Variants in NTM observed in about 807,000 individuals in gnomAD.
The protein encoded by NTM is neurotrimin, also known as IgLON family member 2.
NTM carries 13 observed loss-of-function variants against 42.1 expected under a neutral mutation model. The observed-to-expected ratio is 0.31, with a 90% confidence interval of 0.20 to 0.49. The LOEUF is 0.49. Ranked by LOEUF, NTM falls within the 20% of genes least tolerant of loss-of-function variation. The pLI, the probability that NTM is intolerant of heterozygous loss-of-function variation, is 0.99. For synonymous variants in NTM, 187 were observed against 179.2 expected (o/e 1.04, Z -0.35); for missense variants, 373 against 452.8 (o/e 0.82, Z 1.60).
At chr11:131,774,075 G>T (rs2086576502) in intron 1 of NTM, 1 of 984,826 alleles carries the variant, frequency 1.0e-6, no homozygotes, top group Non-Finnish European at 1.2e-6. Context: ...TTCCAATGTT[G>T]TTCCAAAATT....
chr11:132,314,178 C>CCATCAT (rs3028804), intron 6 of NTM, among the ~76,000 whole-genome samples: 6 of 151,318 alleles, frequency 4.0e-5, no homozygotes, highest in African/African-American at 1.2e-4. Flanking sequence ...ATCACCATCA[C>CCATCAT]CATCATCATC....
chr11:132,031,048 C>G (rs2075851165), intron 2 of NTM, among the ~76,000 whole-genome samples: 1 of 152,166 alleles, frequency 6.6e-6, no homozygotes. Flanking sequence ...GCTAGCCACT[C>G]ATGCACATTG....
intron 1 of NTM, among the ~76,000 whole-genome samples, chr11:131,831,002 C>A (rs185696684): frequency 2.6e-5 from 4 of 152,212 alleles, no homozygotes; most frequent in Non-Finnish European, 4.4e-5. Context: ...AGAAATGCTA[C>A]TGATTTTTGT....
intron 4 of NTM, among the ~76,000 whole-genome samples, chr11:132,222,729 G>T (rs528736146): frequency 3.9e-5 from 6 of 152,018 alleles, no homozygotes; most frequent in Non-Finnish European, 8.8e-5. Context: ...ACCCAACAGT[G>T]GTGGGTTCTT....
chr11:131,731,922 C>G (rs1162467602), intron 1 of NTM, among the ~76,000 whole-genome samples: 1 of 152,178 alleles, frequency 6.6e-6, no homozygotes, highest in Non-Finnish European at 1.5e-5. Flanking sequence ...AAGCCTCTAT[C>G]TGTACACGCT....
chr11:131,950,387 C>A (rs2060843455), intron 2 of NTM, among the ~76,000 whole-genome samples: 1 of 152,186 alleles, frequency 6.6e-6, no homozygotes, highest in Admixed American at 6.5e-5. Context: ...TTCCATCTTA[C>A]CTCCACTATC....
At chr11:132,068,013 G>C (rs1231517268) in intron 2 of NTM, among the ~76,000 whole-genome samples, 1 of 152,120 alleles carries the variant, frequency 6.6e-6, no homozygotes, top group Non-Finnish European at 1.5e-5. Flanking sequence ...AGACAAAAGG[G>C]TCCTCCACAG....
At chr11:132,200,651 G>A (rs2081018527) in intron 3 of NTM, among the ~76,000 whole-genome samples, 3 of 152,198 alleles carry the variant, frequency 2.0e-5, no homozygotes, top group Admixed American at 2.0e-4. Context: ...GAGAATGTAA[G>A]TGAGCTTGGC....
chr11:132,221,828 T>C (rs1331449763), intron 4 of NTM, among the ~76,000 whole-genome samples: 1 of 152,164 alleles, frequency 6.6e-6, no homozygotes, highest in Non-Finnish European at 1.5e-5. Context: ...GAGAAGGAAT[T>C]TGCCCACAAA....
chr11:132,216,363 G>T (rs1375646060), intron 4 of NTM, among the ~76,000 whole-genome samples: 1 of 152,194 alleles, frequency 6.6e-6, no homozygotes, highest in Non-Finnish European at 1.5e-5. Flanking sequence ...TGAAACTCAG[G>T]TGAGGGAGTG....
intron 1 of NTM, among the ~76,000 whole-genome samples, chr11:131,479,926 G>T (rs1333393089): frequency 6.6e-6 from 1 of 151,980 alleles, no homozygotes; most frequent in African/African-American, 2.4e-5. Flanking sequence ...TGTTAAAAAA[G>T]TATTAACAAA....
chr11:132,106,056 G>A lies in NTM; in HGVS notation c.168-40226G>A, dbSNP rs574231070. 9.2e-5 allele frequency among the ~76,000 whole-genome samples: 14 copies of A among 152,268 alleles called. No individual in the cohort carries two copies. In the South Asian group the frequency reaches 2.5e-3, roughly 27 times the overall value. On this transcript the variant is annotated intron_variant, in intron 2 of 8. Coordinates refer to ENST00000683400, the MANE Select transcript of NTM (RefSeq NM_001352005.2). ...TCCGTGGCAACCAGGGTGGATATTG[G>A]TCTGTAATAAGTCAGTGAAATAGTG...
intron 2 of NTM, among the ~76,000 whole-genome samples, chr11:132,137,631 G>C (rs1256041916): frequency 2.6e-5 from 4 of 152,076 alleles, no homozygotes; most frequent in African/African-American, 9.7e-5. Context: ...TAGGAAAACT[G>C]TAAGGGACAG....
At chr11:131,488,095 A>G (rs1591809819) in intron 1 of NTM, among the ~76,000 whole-genome samples, 1 of 152,190 alleles carries the variant, frequency 6.6e-6, no homozygotes, top group African/African-American at 2.4e-5. Context: ...CTCTATACCT[A>G]CAGGGGGAAT....
intron 1 of NTM, among the ~76,000 whole-genome samples, chr11:131,531,890 G>A (rs919266530): frequency 6.6e-6 from 1 of 152,174 alleles, no homozygotes; most frequent in East Asian, 1.9e-4. Flanking sequence ...AGAAGGAACC[G>A]CATGCACAGA....
chr11:131,456,773 A>T (rs1331890125), intron 1 of NTM, among the ~76,000 whole-genome samples: 1 of 152,192 alleles, frequency 6.6e-6, no homozygotes, highest in African/African-American at 2.4e-5. Context: ...TGACACTAGC[A>T]TGTTCCTTTG....
chr11:132,016,221 G>A (rs1026366412), intron 2 of NTM, among the ~76,000 whole-genome samples: 7 of 151,320 alleles, frequency 4.6e-5, no homozygotes, highest in Non-Finnish European at 1.0e-4. Context: ...TGTTGATATC[G>A]TATGTTGAAC....
rs71067341 is a variant in NTM at position 131,873,521 on chromosome 11, A to AGTGTGT, written c.83-38030_83-38025dup. On this transcript the variant is annotated intron_variant, in intron 1 of 8. Transcript: ENST00000683400. ...TCTGCACATGTATCCCAGAACTTAA[A>AGTGTGT]GTGTGTGTGTGTGTGTGTATATATA... Among the ~76,000 whole-genome samples, 362 of 52,356 alleles carry AGTGTGT rather than the reference A, an allele frequency of 6.9e-3. 15 individuals carry two copies. Among genetic ancestry groups the AGTGTGT allele is most frequent in the African/African-American group, 0.017 (319 of 18,596 alleles). The allele number at this position is 52,356 out of a possible 152,430, so 34.3% of individuals were successfully genotyped here.
At chr11:131,834,491 A>C (rs1397828489) in intron 1 of NTM, among the ~76,000 whole-genome samples, 1 of 151,666 alleles carries the variant, frequency 6.6e-6, no homozygotes, top group African/African-American at 2.4e-5. Flanking sequence ...GACGACGTGG[A>C]GCTTCTGTTC....
Sources: gnomAD v4.1 joint callset for allele counts (sites outside exome capture counted in the v4.1 genomes callset) on GRCh38, gnomAD v4.1.1 for gene constraint, MANE v1.5 for transcripts, NCBI Gene and HGNC (gene_info 2026-07-23, HGNC 2026-07-21) for gene names.